SSU72: variants seen among roughly 807,000 people sequenced by gnomAD.
The protein encoded by SSU72 is RNA polymerase II subunit A C-terminal domain phosphatase SSU72.
Under a neutral mutation model 22.7 loss-of-function variants are expected in SSU72, and 12 were observed. That is an observed-to-expected ratio of 0.53 (90% confidence interval 0.34 to 0.86). SSU72 has a LOEUF of 0.86. Ranked by LOEUF, SSU72 falls within the 40% of genes least tolerant of loss-of-function variation. The probability of loss-of-function intolerance (pLI) is 0.02; values close to 1 mark genes in which losing one functional copy is unlikely to be tolerated. For synonymous variants in SSU72, 116 were observed against 98.3 expected, an observed-to-expected ratio of 1.18 and a Z score of -1.06; for missense variants, 151 against 249.8, an observed-to-expected ratio of 0.60 and a Z score of 2.67.
At chr1:1,557,391 C>T (rs1169236671) in intron 2 of SSU72, among the ~76,000 whole-genome samples, 4 of 150,670 alleles carry the variant, frequency 2.7e-5, no homozygotes, top group Admixed American at 6.6e-5. Context: ...CCAGCCTGGG[C>T]GACAGAACAA....
In SSU72 at chr1:1,574,591, T is replaced by C. The variant is rs746255908; in HGVS notation, c.-34A>G. ...CCGCAAATCCCGCGGCTCTCCCGCT[T>C]GGGTTCCCACCCTACCGCGGCGCTT... is the stretch of plus-strand genomic sequence containing the variant. On this transcript the variant is annotated 5_prime_UTR_variant, in exon 1 of 5. Coordinates refer to ENST00000291386, the MANE Select transcript of SSU72 (RefSeq NM_014188.3). The C allele has an allele frequency of 3.8e-6, 6 of 1,572,296 alleles. No homozygotes were observed. The South Asian group carries it at 5.8e-5, about 15-fold the overall frequency.
chr1:1,543,137 C>T (rs1001621142), intron 4 of SSU72, among the ~76,000 whole-genome samples: 2 of 152,230 alleles, frequency 1.3e-5, no homozygotes, highest in African/African-American at 4.8e-5. Flanking sequence ...ACCTCCACGC[C>T]GCAGCAGGGT....
rs184572283 is a variant in SSU72, at chr1:1,549,727, C to G, written c.225-4725G>C. Among the ~76,000 whole-genome samples the G allele has an allele frequency of 7.6e-4, 114 of 150,820 alleles. No homozygotes were observed. In the East Asian group the frequency reaches 0.019, roughly 26 times the overall value. ...CAGTGGCTCACGCCTGTAATCCCAG[C>G]ACTTTGGGAGGCCGAGGCGGGTGGA... On this transcript the variant is annotated intron_variant, in intron 2 of 4. Coordinates refer to ENST00000291386, the MANE Select transcript of SSU72 (RefSeq NM_014188.3).
chr1:1,556,108 C>T (rs941971770), intron 2 of SSU72, among the ~76,000 whole-genome samples: 3 of 151,260 alleles, frequency 2.0e-5, no homozygotes, highest in African/African-American at 7.3e-5. Flanking sequence ...CCAGCCTGGC[C>T]AACATGGCAA....
At chr1:1,574,448 G>A (rs1642782556) in intron 1 of SSU72, 30 bp downstream of exon 1, 9 of 1,576,016 alleles carry the variant, frequency 5.7e-6, no homozygotes, top group Non-Finnish European at 6.9e-6. Context: ...CCGGAGCAGA[G>A]CGCGCGGGGA....
In SSU72 at chr1:1,542,082, G is replaced by C; in HGVS notation, c.569C>G (p.Thr190Ser). 1 of 1,585,492 alleles carries C rather than the reference G, an allele frequency of 6.3e-7. No individual in the cohort carries two copies. Among genetic ancestry groups the C allele is most frequent in the Non-Finnish European group, 8.6e-7 (1 of 1,165,914 alleles). The change falls in exon 5 of 5, where the codon ACC becomes AGC. Residue 190 changes from threonine to serine, a missense_variant. Coordinates refer to ENST00000291386, the MANE Select transcript of SSU72 (RefSeq NM_014188.3). The surrounding 1 kb of genome is among the most constrained non-coding windows in gnomAD (Gnocchi z 4.4). ...GCGCTGGGCTCAGTAGAAGCAGACGGTGTGCAGAAAGGTGCGGCCACTCTT... is the reference window on the plus strand; with the variant it reads ...GCGCTGGGCTCAGTAGAAGCAGACGCTGTGCAGAAAGGTGCGGCCACTCTT... ...EEKSGRTFLH[T>S]VCFY
intron 3 of SSU72, chr1:1,544,605 C>T (rs552071003): frequency 5.0e-5 from 26 of 523,518 alleles, no homozygotes; most frequent in South Asian, 1.2e-4. Context: ...CGACAGAGCA[C>T]GACTCTGTCT....
Position 1,545,012 on chromosome 1 carries a change from G to A in SSU72, c.225-10C>T, listed in dbSNP as rs1369192920. On this transcript the variant is annotated splice_polypyrimidine_tract_variant and intron_variant, in intron 2 of 4. Transcript: ENST00000291386. Reference sequence around the variant, plus strand: ...CCCATTCTGTGTATAGCTACACATGGGAGTTAAGGAACGTCAGAGAAAAGG... The same window carrying A: ...CCCATTCTGTGTATAGCTACACATGAGAGTTAAGGAACGTCAGAGAAAAGG... The A allele has an allele frequency of 1.9e-6, 3 of 1,611,212 alleles. No individual in the cohort carries two copies. In the African/African-American group the frequency reaches 4.0e-5, roughly 22 times the overall value.
chr1:1,571,244 C>CAAAAAAAAAA (rs753699933), intron 1 of SSU72, among the ~76,000 whole-genome samples: 3 of 46,896 alleles, frequency 6.4e-5, no homozygotes, highest in Admixed American at 5.2e-4. Flanking sequence ...GACTCCATCT[C>CAAAAAAAAAA]AAAAAAAAAA....
intron 2 of SSU72, among the ~76,000 whole-genome samples, chr1:1,550,063 AG>A (rs1395905743): frequency 8.8e-5 from 9 of 101,812 alleles, no homozygotes; most frequent in Middle Eastern, 3.7e-3. Flanking sequence ...CTGTGATTCC[AG>A]CCTCCTCCGG....
intron 2 of SSU72, among the ~76,000 whole-genome samples, chr1:1,560,663 A>G (rs1436662559): frequency 6.6e-6 from 1 of 152,180 alleles, no homozygotes; most frequent in Non-Finnish European, 1.5e-5. Flanking sequence ...CCAGCAGGCA[A>G]CCTCACAGAA....
intron 2 of SSU72, chr1:1,564,532 ACG>A (rs1233063529): frequency 3.2e-6 from 5 of 1,543,668 alleles, no homozygotes; most frequent in South Asian, 2.4e-5. Context: ...CTGCTGAACC[ACG>A]TCAGGGTGAA....
intron 1 of SSU72, among the ~76,000 whole-genome samples, chr1:1,572,336 G>C (rs1176859602): frequency 1.4e-5 from 2 of 146,514 alleles, no homozygotes; most frequent in Non-Finnish European, 3.0e-5. Flanking sequence ...GCTGAGGCAG[G>C]AGAATAGTGT....
In SSU72 at chr1:1,574,600, A is replaced by C; in HGVS notation, c.-43T>G. The C allele has an allele frequency of 6.5e-7, 1 of 1,543,578 alleles. No homozygotes were observed. Among genetic ancestry groups the C allele is most frequent in the Non-Finnish European group, 8.7e-7 (1 of 1,145,906 alleles). ...CCGCGGCTCTCCCGCTTGGGTTCCC[A>C]CCCTACCGCGGCGCTTCCGCGCGAA... On this transcript the variant is annotated 5_prime_UTR_variant, in exon 1 of 5. Transcript: ENST00000291386.
chr1:1,560,293 G>T, intron 2 of SSU72, among the ~76,000 whole-genome samples: 1 of 152,054 alleles, frequency 6.6e-6, no homozygotes, highest in Non-Finnish European at 1.5e-5. Context: ...CCGAGTAGCT[G>T]TGCCACCACA....
intron 1 of SSU72, among the ~76,000 whole-genome samples, chr1:1,567,306 G>A (rs757966020): frequency 6.6e-6 from 1 of 152,146 alleles, no homozygotes; most frequent in African/African-American, 2.4e-5. Flanking sequence ...TGACAGCTGC[G>A]TCAGTCCTTA....
chr1:1,557,163 AGGACTTTGGGT>A (rs1642531798), intron 2 of SSU72, among the ~76,000 whole-genome samples: 1 of 152,224 alleles, frequency 6.6e-6, no homozygotes, highest in African/African-American at 2.4e-5. Context: ...CTGTAATCCC[AGGACTTTGGGT>A]GGCCGAGGCG....
At chr1:1,547,930 G>A (rs755505096) in intron 2 of SSU72, among the ~76,000 whole-genome samples, 2 of 152,208 alleles carry the variant, frequency 1.3e-5, no homozygotes, top group East Asian at 1.9e-4. Flanking sequence ...CAAAGCGTTC[G>A]ACATTGAACC....
intron 2 of SSU72, chr1:1,562,019 A>G (rs1450913006): frequency 6.6e-6 from 1 of 152,260 alleles, no homozygotes; most frequent in Non-Finnish European, 1.5e-5. Context: ...TCCCTCTGTA[A>G]AGGAGGAGCT....
Sources: gnomAD v4.1 joint callset for allele counts (sites outside exome capture counted in the v4.1 genomes callset) on GRCh38, gnomAD v4.1.1 for gene constraint, Gnocchi (gnomAD v3.1) non-coding constraint, MANE v1.5 for transcripts, NCBI Gene and HGNC (gene_info 2026-07-23, HGNC 2026-07-21) for gene names.